Variants in KIF19 observed in about 807,000 individuals in gnomAD.
KIF19 encodes kinesin family member 19.
Under a neutral mutation model 106.6 loss-of-function variants are expected in KIF19, and 98 were observed. That is an observed-to-expected ratio of 0.92 (90% CI 0.78 to 1.09). The LOEUF is 1.09. Ranked by LOEUF, KIF19 falls within the 50% of genes least tolerant of loss-of-function variation. The pLI, the probability that KIF19 is intolerant of heterozygous loss-of-function variation, is 0.00. For missense variants in KIF19, 1,373 were observed against 1,414.3 expected (o/e 0.97, Z 0.47); for synonymous variants, 516 against 584.2 (o/e 0.88, Z 1.68).
intron 1 of KIF19, 149 bp from the exon 2 acceptor site, chr17:74,328,276 C>T (rs968876176): frequency 1.1e-4 from 74 of 648,834 alleles, no homozygotes; most frequent in Non-Finnish European, 2.4e-5. Context: ...TGTGGACCTG[C>T]TGCCCTCTGA....
chr17:74,348,021 C>G, intron 9 of KIF19, 122 bp downstream of exon 9: 1 of 1,192,972 alleles, frequency 8.4e-7, no homozygotes, highest in South Asian at 1.5e-5. Context: ...TGGCCTCATT[C>G]CCTAGTTGAT....
chr17:74,335,758 A>G (rs909215948), intron 2 of KIF19, among the ~76,000 whole-genome samples: 7 of 152,232 alleles, frequency 4.6e-5, no homozygotes, highest in African/African-American at 1.7e-4. Context: ...CCTCCCAGAG[A>G]CAGGCACCCA....
intron 16 of KIF19, 27 bp from the exon 17 acceptor site, chr17:74,353,467 C>T (rs1255923186): frequency 1.2e-6 from 2 of 1,606,354 alleles, no homozygotes; most frequent in Non-Finnish European, 1.7e-6. Flanking sequence ...TTAAGGGTTT[C>T]CTCCTCCCAA....
rs987526118 is a variant in KIF19 at position 74,328,566 on chromosome 17, C to A, written c.120+61C>A. On this transcript the variant is annotated intron_variant, in intron 2 of 19. Coordinates refer to ENST00000389916, the MANE Select transcript of KIF19 (RefSeq NM_153209.4). ...AGGTCTGCTCAGATGGCTCAGCTCA[C>A]CTGGTGAGGGCAGAAAGGGCCCCTG... is the stretch of plus-strand genomic sequence containing the variant. 3.5e-6 allele frequency: 5 copies of A among 1,433,968 alleles called. No individual in the cohort carries two copies. In the East Asian group the frequency reaches 7.3e-5, roughly 21 times the overall value. The allele number at this position is 1,433,968 out of a possible 1,614,324, so 88.8% of individuals were successfully genotyped here. A position where few individuals can be genotyped will look rare whatever the true frequency, so the allele number is the denominator to read the frequency against.
In KIF19 at chr17:74,347,890, T is replaced by C. The variant is rs767370822; in HGVS notation, c.1038T>C (p.Ile346=). Residue 346 remains isoleucine (I), a synonymous_variant, in exon 9 of 20, where the codon ATT becomes ATC. Coordinates refer to ENST00000389916, the MANE Select transcript of KIF19 (RefSeq NM_153209.4). ...TLTYAGRAKN[I]KTRVKQNLLN... is the part of the protein sequence containing the mutation. ...CCTACGCCGGCCGGGCCAAGAACAT[T>C]AAGACTAGGGTGAGGGCCCCTGGAC... 6.3e-7 allele frequency: 1 copy of C among 1,582,390 alleles called. No homozygotes were observed. The highest frequency in any genetic ancestry group is 1.3e-5 in the African/African-American group (1 of 74,296).
At chr17:74,352,382 C>T (rs376790407) in intron 14 of KIF19, 42 bp downstream of exon 14, 8 of 1,572,406 alleles carry the variant, frequency 5.1e-6, no homozygotes, top group East Asian at 2.3e-5. Flanking sequence ...GCACATGTGC[C>T]CAGGGAGGGG....
rs2054670025 is a variant in KIF19 at position 74,350,569 on chromosome 17, T to C, written c.1382T>C (p.Ile461Thr). The change falls in exon 11 of 20, where the codon ATC (isoleucine) becomes ACC (threonine). Residue 461 changes from isoleucine (I) to threonine (T), a missense_variant. By Grantham distance (89) the Ile-to-Thr change is moderately conservative. Around this residue, in one of 3 missense-constraint regions of KIF19, gnomAD observed 1,020 missense variants for 1,008.2 expected, o/e 1.01. Transcript: ENST00000389916. ...GACACCTCCCGACACCTGCTCACCATCGCCGGGTAAGCCCCCCTCCCAGGA... is the reference window on the plus strand; with the variant it reads ...GACACCTCCCGACACCTGCTCACCACCGCCGGGTAAGCCCCCCTCCCAGGA... Reference protein sequence around the residue: ...QIDTSRHLLTIAGWKHEKSRR... With the variant: ...QIDTSRHLLTTAGWKHEKSRR... 38 of 1,612,776 alleles carry C rather than the reference T, an allele frequency of 2.4e-5. No individual in the cohort carries two copies. Among genetic ancestry groups the C allele is most frequent in the Non-Finnish European group, 3.2e-5 (38 of 1,179,766 alleles).
chr17:74,351,751 A>AGGCTGGAGCTCCAGACAGAT, intron 12 of KIF19, 116 bp from the exon 13 acceptor site: 1 of 1,196,252 alleles, frequency 8.4e-7, no homozygotes, highest in Non-Finnish European at 1.1e-6. Context: ...GGTTGGCCTC[A>AGGCTGGAGCTCCAGACAGAT]GGCTGGAGCT....
At chr17:74,343,282 A>T in intron 5 of KIF19, 122 bp downstream of exon 5, 1 of 991,342 alleles carries the variant, frequency 1.0e-6, no homozygotes, top group Admixed American at 2.5e-5. Flanking sequence ...GCTCCACTTT[A>T]CAAACATCGC....
At position 74,344,351 on chromosome 17, in the gene KIF19, G is replaced by T. The variant is rs2054470366; in HGVS notation, c.582+3G>T. The T allele has an allele frequency of 6.2e-7, 1 of 1,611,768 alleles. No individual in the cohort carries two copies. The highest frequency in any genetic ancestry group is 2.2e-5 in the East Asian group (1 of 44,832). ...TCTCCACCATCAATGCCAAGGAGGC[G>T]AGTTTTGTGTGGCCAGCCTGGAGCC... On this transcript the variant is annotated splice_donor_region_variant and intron_variant, in intron 6 of 19. Transcript: ENST00000389916.
chr17:74,342,867 C>G, intron 4 of KIF19, 150 bp downstream of exon 4: 1 of 1,209,798 alleles, frequency 8.3e-7, no homozygotes, highest in Non-Finnish European at 1.2e-6. Flanking sequence ...GAGGCCCCAA[C>G]CCGAGCCGGG....
intron 19 of KIF19, 53 bp from the exon 20 acceptor site, chr17:74,355,129 G>A: frequency 6.4e-7 from 1 of 1,554,198 alleles, no homozygotes; most frequent in East Asian, 2.3e-5. Flanking sequence ...TGATGGGAGA[G>A]GAGTTGGGGA....
At chr17:74,334,955 C>T (rs1186177992) in intron 2 of KIF19, among the ~76,000 whole-genome samples, 1 of 152,194 alleles carries the variant, frequency 6.6e-6, no homozygotes, top group East Asian at 1.9e-4. Flanking sequence ...AGGCTACAGC[C>T]ATGTTGGTCC....
At chr17:74,349,756 T>A (rs1338484300) in intron 10 of KIF19, among the ~76,000 whole-genome samples, 3 of 152,078 alleles carry the variant, frequency 2.0e-5, no homozygotes, top group Non-Finnish European at 4.4e-5. Context: ...AAAGCTTTTT[T>A]TAAAAAAAAA....
intron 1 of KIF19, among the ~76,000 whole-genome samples, chr17:74,327,672 C>T (rs151312566): frequency 7.9e-4 from 120 of 152,262 alleles, no homozygotes; most frequent in African/African-American, 2.8e-3. Context: ...GGTGTTTCGC[C>T]GTGTTGGCCA....
chr17:74,344,776 A>T lies in KIF19; in HGVS notation c.598A>T (p.Met200Leu). 6.2e-7 allele frequency: 1 copy of T among 1,608,190 alleles called. No homozygotes were observed. Among genetic ancestry groups the T allele is most frequent in the Non-Finnish European group, 8.5e-7 (1 of 1,176,158 alleles). Residue 200 changes from methionine (M) to leucine (L), a missense_variant, in exon 7 of 20, where the codon ATG becomes TTG. Met to Leu is a conservative substitution (Grantham distance 15). This residue lies in a region of KIF19 where 348 missense variants were observed against 389.5 expected (regional missense o/e 0.89). Transcript: ENST00000389916. Reference protein sequence around the residue: ...INAKEIMQLLMKGNRQRTQEP... With the variant: ...INAKEIMQLLLKGNRQRTQEP... ...TCCCACCCAGATCATGCAGCTGCTG[A>T]TGAAGGGGAACCGGCAGAGGACCCA...
intron 12 of KIF19, chr17:74,351,138 A>G (rs1017544683): frequency 1.8e-6 from 1 of 564,474 alleles, no homozygotes. Context: ...AAGATTACAT[A>G]AATGCCTGGC....
intron 8 of KIF19, among the ~76,000 whole-genome samples, chr17:74,347,230 G>C (rs1192185512): frequency 6.6e-6 from 1 of 152,130 alleles, no homozygotes; most frequent in South Asian, 2.1e-4. Context: ...ATTGCAAAAG[G>C]ACTGCCCCCT....
At chr17:74,333,863 C>CTTTTTTTTTTTTTT (rs368776098) in intron 2 of KIF19, among the ~76,000 whole-genome samples, 1 of 132,638 alleles carries the variant, frequency 7.5e-6, no homozygotes, top group Admixed American at 7.8e-5. Context: ...CTTTTTTTTT[C>CTTTTTTTTTTTTTT]TTTTTTTTTT....
Sources: allele counts gnomAD v4.1 joint callset (sites outside exome capture counted in the v4.1 genomes callset), GRCh38; gene constraint gnomAD v4.1.1; regional missense constraint gnomAD v4.1.1; transcripts MANE v1.5; gene names NCBI Gene and HGNC (gene_info 2026-07-23, HGNC 2026-07-21).